CCDC12: variants seen among roughly 807,000 people sequenced by gnomAD.
CCDC12 encodes coiled-coil domain-containing protein 12.
A neutral mutation model predicts 25.7 loss-of-function variants in CCDC12; 28 were observed. The observed-to-expected ratio is 1.09, with a 90% CI of 0.81 to 1.50. The LOEUF (loss-of-function observed/expected upper bound fraction) is 1.50, where lower values mean the gene tolerates loss of function less well. Among genes scored for constraint, CCDC12 ranks in the 40% most tolerant of loss-of-function variants. CCDC12 has a pLI of 0.00. For missense variants in CCDC12, 198 were observed against 210.0 expected (o/e 0.94, Z 0.35); for synonymous variants, 75 against 87.7 (o/e 0.86, Z 0.81).
chr3:46,933,780 A>G (rs375948551), intron 2 of CCDC12, among the ~76,000 whole-genome samples: 2 of 152,266 alleles, frequency 1.3e-5, no homozygotes, highest in East Asian at 3.8e-4. Flanking sequence ...TAATTTCATG[A>G]AAGTGTATTT....
intron 2 of CCDC12, among the ~76,000 whole-genome samples, chr3:46,927,162 G>GT (rs1205814308): frequency 4.6e-5 from 7 of 152,216 alleles, no homozygotes; most frequent in Admixed American, 6.5e-5. Flanking sequence ...AGCATAGCCT[G>GT]TGTGGAGGAA....
intron 3 of CCDC12, 59 bp from the exon 4 acceptor site, chr3:46,923,727 A>C: frequency 7.4e-7 from 1 of 1,355,892 alleles, no homozygotes. Flanking sequence ...CTCTGCAGGG[A>C]CACTGCCTAC....
chr3:46,952,705 A>T (rs2034165139), intron 1 of CCDC12, among the ~76,000 whole-genome samples: 1 of 152,208 alleles, frequency 6.6e-6, no homozygotes, highest in South Asian at 2.1e-4. Flanking sequence ...TTTGGTAATA[A>T]CAGTATGCCA....
chr3:46,948,435 G>GC, intron 1 of CCDC12, among the ~76,000 whole-genome samples: 1 of 152,346 alleles, frequency 6.6e-6, no homozygotes, highest in Middle Eastern at 3.4e-3. Context: ...ACAAGGAGGT[G>GC]CCTCAACGCT....
intron 1 of CCDC12, among the ~76,000 whole-genome samples, chr3:46,946,553 T>C (rs1242768516): frequency 2.6e-5 from 4 of 152,232 alleles, no homozygotes; most frequent in Non-Finnish European, 2.9e-5. Flanking sequence ...TGGCCCAGCC[T>C]CACCTGATGC....
upstream of CCDC12, chr3:46,979,738 G>A (rs1341550801): frequency 3.1e-6 from 1 of 319,302 alleles, no homozygotes; most frequent in Non-Finnish European, 5.7e-6. Context: ...TTCCCCAGTA[G>A]TACCGCGCCG....
At chr3:46,969,112 T>C (rs943428140) in intron 1 of CCDC12, among the ~76,000 whole-genome samples, 5 of 152,020 alleles carry the variant, frequency 3.3e-5, no homozygotes, top group Non-Finnish European at 7.4e-5. Context: ...CACGGACAAG[T>C]CTGACTCCTC....
intron 1 of CCDC12, among the ~76,000 whole-genome samples, chr3:46,941,651 A>T (rs1228491570): frequency 6.6e-6 from 1 of 152,022 alleles, no homozygotes; most frequent in Non-Finnish European, 1.5e-5. Flanking sequence ...TCACAGAAAG[A>T]GCTGGATGGC....
Position 46,922,530 on chromosome 3 carries a change from C to T in CCDC12, c.342-218G>A, listed in dbSNP as rs190285418. On this transcript the variant is annotated intron_variant, in intron 5 of 6. Coordinates refer to ENST00000683445, the MANE Select transcript of CCDC12 (RefSeq NM_001277074.2). ...CACTGAGGCAGGGGGACTAGCATCA[C>T]AAACCCACCCAACACAAGGGACTGA... 3.2e-5 allele frequency: 19 copies of T among 600,328 alleles called. No individual in the cohort carries two copies. The East Asian group carries it at 4.5e-4, about 14-fold the overall frequency. The allele number at this position is 600,328 out of a possible 1,614,324, so 37.2% of individuals were successfully genotyped here.
At position 46,922,010 on chromosome 3, in the gene CCDC12, C is replaced by T; in HGVS notation, c.*47G>A. 1 of 1,598,648 alleles carries T rather than the reference C, an allele frequency of 6.3e-7. No individual in the cohort carries two copies. The highest frequency in any genetic ancestry group is 8.6e-7 in the Non-Finnish European group (1 of 1,167,714). Reference sequence around the variant, plus strand: ...AGCCCCCATCCCTGCCCAAGACCATCCTCTGCAGGACAGGCCTGATGGGCG... The same window carrying T: ...AGCCCCCATCCCTGCCCAAGACCATTCTCTGCAGGACAGGCCTGATGGGCG... On this transcript the variant is annotated 3_prime_UTR_variant, in exon 7 of 7. Coordinates refer to ENST00000683445, the MANE Select transcript of CCDC12 (RefSeq NM_001277074.2).
upstream of CCDC12, chr3:46,976,969 A>G (rs201667306): frequency 0.018 from 7,479 of 411,648 alleles, 5 homozygotes; most frequent in East Asian, 0.023. Flanking sequence ...AAAAAAAAAA[A>G]GAAAAAAAAA....
upstream of CCDC12, chr3:46,979,530 GGC>G (rs1283667100): frequency 3.1e-3 from 587 of 192,146 alleles, 4 homozygotes; most frequent in African/African-American, 0.013. Flanking sequence ...GGTGGGGCAG[GGC>G]AGCGGGGCAC....
chr3:46,938,475 A>G (rs2033545404), intron 2 of CCDC12, among the ~76,000 whole-genome samples: 1 of 151,900 alleles, frequency 6.6e-6, no homozygotes, highest in Non-Finnish European at 1.5e-5. Flanking sequence ...GAGTCAATAA[A>G]AGTAATGTTT....
At chr3:46,959,540 C>T (rs149091366) in intron 1 of CCDC12, among the ~76,000 whole-genome samples, 255 of 152,324 alleles carry the variant, frequency 1.7e-3, no homozygotes, top group African/African-American at 5.7e-3. Flanking sequence ...CAGATCCCCA[C>T]ATTCATGCCT....
At chr3:46,965,676 C>G (rs2034616129) in intron 1 of CCDC12, among the ~76,000 whole-genome samples, 1 of 152,178 alleles carries the variant, frequency 6.6e-6, no homozygotes. Context: ...AAGAGCACCC[C>G]CAAACTTGGC....
intron 1 of CCDC12, among the ~76,000 whole-genome samples, chr3:46,966,991 C>A (rs1209878755): frequency 1.3e-5 from 2 of 152,162 alleles, no homozygotes; most frequent in African/African-American, 4.8e-5. Flanking sequence ...AGCCTCAGGG[C>A]ACAGAATGAT....
In CCDC12 at chr3:46,923,316, G is replaced by GGGT. The variant is rs1238379939; in HGVS notation, c.341+12_341+13insACC. 7 of 1,478,950 alleles carry GGGT rather than the reference G, an allele frequency of 4.7e-6. No individual in the cohort carries two copies. The highest frequency in any genetic ancestry group is 6.3e-6 in the Non-Finnish European group (7 of 1,113,534). 91.6% of individuals were successfully genotyped at this position (1,478,950 alleles called of 1,614,324 possible). On this transcript the variant is annotated intron_variant, in intron 5 of 6. Coordinates refer to ENST00000683445, the MANE Select transcript of CCDC12 (RefSeq NM_001277074.2). ...GAGTCAGCCTGCACCCGCCACGCAC[G>GGGT]GGCAACACTCACCAGTCAGGCTTCC...
At chr3:46,938,421 GA>G (rs2033542732) in intron 2 of CCDC12, among the ~76,000 whole-genome samples, 1 of 150,534 alleles carries the variant, frequency 6.6e-6, no homozygotes, top group East Asian at 2.0e-4. Flanking sequence ...CAGGCACACA[GA>G]AAAGTCCGGA....
intron 1 of CCDC12, among the ~76,000 whole-genome samples, chr3:46,973,055 A>T (rs796683001): frequency 4.6e-5 from 7 of 151,178 alleles, no homozygotes; most frequent in African/African-American, 1.7e-4. Flanking sequence ...CATCACCCGA[A>T]TTTAAAAAAA....
Sources: allele counts gnomAD v4.1 joint callset (sites outside exome capture counted in the v4.1 genomes callset), GRCh38; gene constraint gnomAD v4.1.1; transcripts MANE v1.5; gene names NCBI Gene and HGNC (gene_info 2026-07-23, HGNC 2026-07-21).